The following DMD variants were observed in gnomAD, a reference collection of about 807,000 sequenced individuals.
The protein encoded by DMD is dystrophin.
In DMD, 63 loss-of-function variants were observed where a neutral mutation model predicts 330.1. That is an observed-to-expected ratio of 0.19 (90% CI 0.16 to 0.24). The LOEUF (loss-of-function observed/expected upper bound fraction) is 0.24. Among genes scored for constraint, DMD ranks in the 10% least tolerant of loss-of-function variants. The probability of loss-of-function intolerance (pLI) is 1.00; values close to 1 mark genes in which losing one functional copy is unlikely to be tolerated. For synonymous variants in DMD, 1,223 were observed against 959.8 expected (o/e 1.27, Z -5.07); for missense variants, 3,344 against 2,684.1 (o/e 1.25, Z -5.43).
chrX:31,923,889 C>A (rs2094729893), intron 47 of DMD, among the ~76,000 whole-genome samples: 1 of 111,892 alleles, frequency 8.9e-6, no homozygotes, highest in Admixed American at 9.5e-5. Context: ...AGCCACCACA[C>A]CCGGCCCGTT....
At chrX:31,138,669 G>GTGTGA (rs2035611949) in intron 76 of DMD, among the ~76,000 whole-genome samples, 1 of 52,208 alleles carries the variant, frequency 1.9e-5, no homozygotes, top group African/African-American at 5.5e-5. Context: ...GAGAGAGAGA[G>GTGTGA]AGAGAGAGAG....
intron 1 of DMD, among the ~76,000 whole-genome samples, chrX:33,098,533 A>G (rs1456297963): frequency 2.7e-5 from 3 of 110,963 alleles, no homozygotes; most frequent in African/African-American, 9.8e-5. Context: ...GGCACTAAAG[A>G]CTTATAACTT....
At chrX:32,326,056 A>G (rs2097649135) in intron 41 of DMD, among the ~76,000 whole-genome samples, 1 of 112,085 alleles carries the variant, frequency 8.9e-6, no homozygotes, top group Admixed American at 9.5e-5. Context: ...ATTTGAAGTC[A>G]CTTTGCTAAG....
At chrX:31,472,258 G>A (rs545815184) in intron 59 of DMD, among the ~76,000 whole-genome samples, 1 of 111,989 alleles carries the variant, frequency 8.9e-6, no homozygotes, top group Admixed American at 9.5e-5. Context: ...TTTTAGGATC[G>A]CCCTGTTCAT....
At chrX:32,427,805 T>C (rs2098219350) in intron 29 of DMD, among the ~76,000 whole-genome samples, 1 of 111,461 alleles carries the variant, frequency 9.0e-6, no homozygotes, top group Non-Finnish European at 1.9e-5. Flanking sequence ...ATTAAATTTC[T>C]GTCTCCTCAG....
intron 43 of DMD, among the ~76,000 whole-genome samples, chrX:32,222,918 T>A (rs960013323): frequency 8.9e-6 from 1 of 112,013 alleles, no homozygotes; most frequent in Non-Finnish European, 1.9e-5. Context: ...TATTTACTTT[T>A]TAAATGCTTT....
intron 7 of DMD, among the ~76,000 whole-genome samples, chrX:32,730,470 A>C (rs1569495090): frequency 1.8e-5 from 2 of 112,653 alleles, no homozygotes; most frequent in East Asian, 2.8e-4. Flanking sequence ...TGTTTATGAA[A>C]AAGAGTACTT....
intron 34 of DMD, among the ~76,000 whole-genome samples, chrX:32,377,293 C>G (rs1569560360): frequency 8.9e-6 from 1 of 112,000 alleles, no homozygotes; most frequent in Non-Finnish European, 1.9e-5. Context: ...TACTACTGAG[C>G]TTTATTTTCA....
chrX:32,341,942 C>A (rs1267662371), intron 41 of DMD, among the ~76,000 whole-genome samples, 158 bp downstream of exon 41: 5 of 110,988 alleles, frequency 4.5e-5, no homozygotes, highest in African/African-American at 1.6e-4. Flanking sequence ...ACTAGTGTTA[C>A]AGAAGCCCAA....
At chrX:32,670,007 A>T (rs932527074) in intron 9 of DMD, among the ~76,000 whole-genome samples, 32 of 111,824 alleles carry the variant, frequency 2.9e-4, no homozygotes, top group African/African-American at 1.0e-3. Context: ...AGCTCCACAA[A>T]GTGAAGTAAT....
chrX:32,678,714 G>A (rs956336581), intron 9 of DMD, among the ~76,000 whole-genome samples: 1 of 111,229 alleles, frequency 9.0e-6, no homozygotes, highest in South Asian at 3.8e-4. Context: ...CCTGCCCCAT[G>A]ACCAAAAAAG....
At chrX:32,418,975 A>AAAAAAAAAAAAAAAAAAAAAAAG in intron 29 of DMD, among the ~76,000 whole-genome samples, 1 of 99,543 alleles carries the variant, frequency 1.0e-5, no homozygotes, top group Non-Finnish European at 2.0e-5. Flanking sequence ...TCTGTCTCAA[A>AAAAAAAAAAAAAAAAAAAAAAAG]AAAAAAAAAA....
rs1295003497 is a variant in DMD, at chrX:32,215,733, A to G, written c.6438+1183T>C. 2.7e-5 allele frequency among the ~76,000 whole-genome samples: 3 copies of G among 111,762 alleles called. No individual in the cohort carries two copies. In the East Asian group the frequency reaches 8.4e-4, roughly 31 times the overall value. ...CTGCCTCTCAGGCAGAAACCCCATT[A>G]TGCTACATTAGCCCAAAATTCACTT... On this transcript the variant is annotated intron_variant, in intron 44 of 78. Transcript: ENST00000357033.
chrX:31,482,235 G>GTT (rs1483852730), intron 57 of DMD, among the ~76,000 whole-genome samples: 27 of 91,529 alleles, frequency 2.9e-4, no homozygotes, highest in South Asian at 9.8e-4. Flanking sequence ...GTGTGTGTGT[G>GTT]TGGGGGGGGT....
intron 43 of DMD, among the ~76,000 whole-genome samples, chrX:32,261,067 G>C (rs1188563587): frequency 8.9e-6 from 1 of 111,907 alleles, no homozygotes. Context: ...ATAGCAATAA[G>C]TGCTAAACTG....
intron 2 of DMD, among the ~76,000 whole-genome samples, chrX:32,924,192 G>A (rs2088741985): frequency 9.0e-6 from 1 of 111,498 alleles, no homozygotes; most frequent in Non-Finnish European, 1.9e-5. Context: ...TAAGTCTATG[G>A]ATGCAAAGTG....
At chrX:31,825,730 G>A (rs1388342158) in intron 49 of DMD, among the ~76,000 whole-genome samples, 2 of 111,355 alleles carry the variant, frequency 1.8e-5, no homozygotes, top group African/African-American at 3.3e-5. Flanking sequence ...ATGTGATAAC[G>A]ACACCCCTGA....
At chrX:31,411,012 T>A (rs1448055967) in intron 60 of DMD, among the ~76,000 whole-genome samples, 2 of 101,565 alleles carry the variant, frequency 2.0e-5, no homozygotes, top group African/African-American at 7.2e-5. Context: ...GTGATCCCCC[T>A]GCTTCGGCCT....
intron 74 of DMD, among the ~76,000 whole-genome samples, chrX:31,149,852 G>A (rs913977976): frequency 8.9e-5 from 10 of 111,813 alleles, no homozygotes; most frequent in Non-Finnish European, 1.7e-4. Context: ...TAGGAGCACA[G>A]TGGTTATATT....
Sources: allele counts gnomAD v4.1 joint callset (sites outside exome capture counted in the v4.1 genomes callset), GRCh38; gene constraint gnomAD v4.1.1; transcripts MANE v1.5; gene names NCBI Gene and HGNC (gene_info 2026-07-23, HGNC 2026-07-21).